The following SOCS2 variants were observed in gnomAD, a reference collection of about 807,000 sequenced individuals.
The protein encoded by SOCS2 is CIS-2.
A neutral mutation model predicts 18.6 loss-of-function variants in SOCS2; 10 were observed. The ratio of observed to expected loss-of-function variants is 0.54; its 90% CI spans 0.33 to 0.91. The LOEUF (loss-of-function observed/expected upper bound fraction) is 0.91, where lower values mean the gene tolerates loss of function less well. Ranked by LOEUF, SOCS2 falls within the 40% of genes least tolerant of loss-of-function variation. SOCS2 has a pLI of 0.02. For synonymous variants in SOCS2, 104 were observed against 104.0 expected, an observed-to-expected ratio of 1.00 and a Z score of 0.00; for missense variants, 231 against 247.2, an observed-to-expected ratio of 0.93 and a Z score of 0.44.
At chr12:93,618,676 C>T in the SOCS2 span, among the ~76,000 whole-genome samples, 2 of 152,222 alleles carry the variant, frequency 1.3e-5, no homozygotes, top group South Asian at 2.1e-4. Context: ...TCCTTAGGTC[C>T]CAGCTCAAAT....
the SOCS2 span, among the ~76,000 whole-genome samples, chr12:93,614,598 TCTTTC>T: frequency 3.3e-5 from 4 of 119,694 alleles, no homozygotes; most frequent in Non-Finnish European, 6.6e-5. Flanking sequence ...TTTCTTTCTT[TCTTTC>T]TTTCTTTCTT....
At chr12:93,614,478 C>CCTTCCTTT in the SOCS2 span, among the ~76,000 whole-genome samples, 20 of 49,434 alleles carry the variant, frequency 4.0e-4, 2 homozygotes, top group African/African-American at 2.4e-3. Flanking sequence ...TTCCTTCCTT[C>CCTTCCTTT]CTTTCCTTCC....
the SOCS2 span, among the ~76,000 whole-genome samples, chr12:93,602,310 G>C: frequency 6.6e-6 from 1 of 152,116 alleles, no homozygotes; most frequent in African/African-American, 2.4e-5. Context: ...TGCTCAGGCT[G>C]TTCTCGAACT....
chr12:93,602,734 C>T, the SOCS2 span, among the ~76,000 whole-genome samples: 1 of 152,156 alleles, frequency 6.6e-6, no homozygotes, highest in Non-Finnish European at 1.5e-5. Flanking sequence ...CCCTTCACTT[C>T]TCAGCTCCCA....
downstream of SOCS2, among the ~76,000 whole-genome samples, chr12:93,580,827 T>G (rs1215848184): frequency 6.6e-6 from 1 of 152,164 alleles, no homozygotes; most frequent in East Asian, 1.9e-4. Flanking sequence ...GAAAGTGTCT[T>G]TGTATTTTGC....
At chr12:93,572,468 GC>G, upstream of SOCS2, 1 of 361,424 alleles carries the variant, frequency 2.8e-6, no homozygotes, top group Non-Finnish European at 5.4e-6. The surrounding 1 kb of genome is among the most constrained non-coding windows in gnomAD (Gnocchi z 5.0). Context: ...CCTGACCTCC[GC>G]CCCCCACCTC....
chr12:93,583,795 AT>A (rs1954567095), downstream of SOCS2, among the ~76,000 whole-genome samples: 1 of 152,230 alleles, frequency 6.6e-6, no homozygotes, highest in African/African-American at 2.4e-5. Flanking sequence ...CAGGTGTTGC[AT>A]TTGACACTTT....
downstream of SOCS2, among the ~76,000 whole-genome samples, chr12:93,580,003 G>A (rs1425626531): frequency 6.6e-6 from 1 of 152,164 alleles, no homozygotes; most frequent in Non-Finnish European, 1.5e-5. Context: ...TATTATTCAC[G>A]TGGCTTTGCC....
chr12:93,617,119 C>T, the SOCS2 span, among the ~76,000 whole-genome samples: 1,253 of 152,288 alleles, frequency 8.2e-3, 20 homozygotes, highest in African/African-American at 0.027. Context: ...GCTAAGCAGA[C>T]TGTCTTATGC....
chr12:93,604,835 CT>C, the SOCS2 span, among the ~76,000 whole-genome samples: 1 of 151,464 alleles, frequency 6.6e-6, no homozygotes, highest in East Asian at 2.0e-4. Flanking sequence ...ATATTTTTTT[CT>C]TTTTTGTAGA....
chr12:93,573,361 G>T (rs1954332357), intron 1 of SOCS2: 1 of 504,472 alleles, frequency 2.0e-6, no homozygotes, highest in Non-Finnish European at 3.5e-6. Context: ...GGAAAGCGTC[G>T]GGCGCCTCCC....
the SOCS2 span, among the ~76,000 whole-genome samples, chr12:93,602,072 G>A: frequency 1.3e-5 from 2 of 152,130 alleles, no homozygotes; most frequent in Non-Finnish European, 2.9e-5. Context: ...ACAAGAAAAA[G>A]AGAATTATGT....
exon 2 of SOCS2, chr12:93,583,341 A>T (rs1046453632): frequency 6.6e-6 from 1 of 152,110 alleles, no homozygotes; most frequent in African/African-American, 2.4e-5. Context: ...CTTATTTCCA[A>T]TTGATCCTCA....
At chr12:93,614,867 G>A in the SOCS2 span, among the ~76,000 whole-genome samples, 1 of 150,976 alleles carries the variant, frequency 6.6e-6, no homozygotes, top group Non-Finnish European at 1.5e-5. Context: ...ATCCGCCTCG[G>A]CCTCCCAAAG....
the SOCS2 span, among the ~76,000 whole-genome samples, chr12:93,608,526 C>T: frequency 1.3e-5 from 2 of 151,938 alleles, no homozygotes; most frequent in Non-Finnish European, 2.9e-5. Flanking sequence ...GACCTTGGGG[C>T]CTCAGTTTCC....
chr12:93,603,045 A>G, the SOCS2 span, among the ~76,000 whole-genome samples: 63 of 152,292 alleles, frequency 4.1e-4, no homozygotes, highest in African/African-American at 1.4e-3. Context: ...TTACCAGACT[A>G]TTTAGTCCAC....
At chr12:93,592,917 C>CTTTTTT in the SOCS2 span, among the ~76,000 whole-genome samples, 3 of 107,364 alleles carry the variant, frequency 2.8e-5, no homozygotes, top group Admixed American at 9.8e-5. Context: ...ACTGAGAAAG[C>CTTTTTT]TTTTTTTTTT....
At chr12:93,592,260 A>G in the SOCS2 span, among the ~76,000 whole-genome samples, 7 of 152,210 alleles carry the variant, frequency 4.6e-5, no homozygotes, top group African/African-American at 1.7e-4. Context: ...TGGACTCTCT[A>G]TGTCTACCTT....
the SOCS2 span, among the ~76,000 whole-genome samples, chr12:93,598,997 CA>C: frequency 2.0e-5 from 3 of 152,150 alleles, no homozygotes; most frequent in Admixed American, 2.0e-4. Context: ...ACCTCCTCAA[CA>C]GTTAGTGTTA....
Sources: gnomAD v4.1 joint callset for allele counts (sites outside exome capture counted in the v4.1 genomes callset) on GRCh38, gnomAD v4.1.1 for gene constraint, Gnocchi (gnomAD v3.1) non-coding constraint, MANE v1.5 for transcripts, NCBI Gene and HGNC (gene_info 2026-07-23, HGNC 2026-07-21) for gene names.